The following PRKAG2 variants were observed in gnomAD, a reference collection of about 807,000 sequenced individuals.
The protein encoded by PRKAG2 is protein kinase AMP-activated non-catalytic subunit gamma 2.
In PRKAG2, 26 loss-of-function variants were observed where a neutral mutation model predicts 69.6. That is an observed-to-expected ratio of 0.37 (90% CI 0.27 to 0.52). PRKAG2 has a LOEUF of 0.52. PRKAG2 is among the 20% of genes least tolerant of loss of function. The probability of loss-of-function intolerance (pLI) is 0.90; values close to 1 mark genes in which losing one functional copy is unlikely to be tolerated. For missense variants in PRKAG2, 557 were observed against 740.0 expected (o/e 0.75, Z 2.87); for synonymous variants, 293 against 285.0 (o/e 1.03, Z -0.28).
chr7:151,686,310 T>C (rs756522982), intron 3 of PRKAG2, among the ~76,000 whole-genome samples: 36 of 152,292 alleles, frequency 2.4e-4, no homozygotes, highest in Non-Finnish European at 4.9e-4. Context: ...ATTTCACAGA[T>C]AGGAAACTTC....
At chr7:151,824,439 C>T (rs900593936) in intron 1 of PRKAG2, among the ~76,000 whole-genome samples, 57 of 152,154 alleles carry the variant, frequency 3.7e-4, no homozygotes, top group Non-Finnish European at 2.9e-5. Context: ...TCCTAAGCCG[C>T]GGTGAATGGT....
Position 151,675,771 on chromosome 7 carries a change from G to A in PRKAG2, c.467-134C>T, listed in dbSNP as rs1257722823. 119 of 826,000 alleles carry A rather than the reference G, an allele frequency of 1.4e-4. No homozygotes were observed. The African/African-American group carries it at 1.7e-3, about 12-fold the overall frequency. The allele number at this position is 826,000 out of a possible 1,614,324, so 51.2% of individuals were successfully genotyped here. ...CCGGCCTCCAGGAAGGGACGTCGGG[G>A]GCAGTCAGAGGTCCGGCCTCCAGGA... On this transcript the variant is annotated intron_variant, in intron 3 of 15. Coordinates refer to ENST00000287878, the MANE Select transcript of PRKAG2 (RefSeq NM_016203.4).
At chr7:151,813,179 G>A (rs1386639617) in intron 1 of PRKAG2, among the ~76,000 whole-genome samples, 1 of 152,114 alleles carries the variant, frequency 6.6e-6, no homozygotes, top group Non-Finnish European at 1.5e-5. Flanking sequence ...AGCAGTCCCC[G>A]AATTCTCGAT....
rs555645788 is a variant in PRKAG2, at chr7:151,618,744, G to A, written c.754+13325C>T. Among the ~76,000 whole-genome samples, 7 of 152,276 alleles carry A rather than the reference G, an allele frequency of 4.6e-5. No homozygotes were observed. The East Asian group carries it at 9.6e-4, about 21-fold the overall frequency. ...CGCACCATTGCACTCTAGCCTGGAC[G>A]ACAGAGAGAGATTCCGTCTCAAAAA... is the stretch of plus-strand genomic sequence containing the variant. On this transcript the variant is annotated intron_variant, in intron 5 of 15. Transcript: ENST00000287878.
chr7:151,656,531 G>C (rs1368394298), intron 4 of PRKAG2, among the ~76,000 whole-genome samples: 4 of 152,148 alleles, frequency 2.6e-5, no homozygotes, highest in Non-Finnish European at 5.9e-5. Flanking sequence ...CCTCAAGCCT[G>C]GGCAACAGAG....
chr7:151,606,523 T>C (rs1415616976), intron 5 of PRKAG2, among the ~76,000 whole-genome samples: 1 of 152,102 alleles, frequency 6.6e-6, no homozygotes, highest in Non-Finnish European at 1.5e-5. Context: ...TTAAAATATA[T>C]TATCAAAATT....
Position 151,579,909 on chromosome 7 carries a change from T to G in PRKAG2, c.865-3457A>C, listed in dbSNP as rs537216997. Among the ~76,000 whole-genome samples, 7 of 152,318 alleles carry G rather than the reference T, an allele frequency of 4.6e-5. No homozygotes were observed. In the South Asian group the frequency reaches 1.0e-3, roughly 23 times the overall value. ...TCAGAAGACAAGAGAAAGAAAACTTTAAGATGCTAAAATAAAAAACCTGCC... is the reference window on the plus strand; with the variant it reads ...TCAGAAGACAAGAGAAAGAAAACTTGAAGATGCTAAAATAAAAAACCTGCC... On this transcript the variant is annotated intron_variant, in intron 6 of 15. Coordinates refer to ENST00000287878, the MANE Select transcript of PRKAG2 (RefSeq NM_016203.4).
intron 3 of PRKAG2, among the ~76,000 whole-genome samples, chr7:151,716,414 A>T (rs1563508676): frequency 6.6e-6 from 1 of 152,190 alleles, no homozygotes; most frequent in Non-Finnish European, 1.5e-5. Context: ...GGGGCTGGGC[A>T]GGGGTCCGTA....
chr7:151,653,770 A>G (rs2151405615), intron 4 of PRKAG2, among the ~76,000 whole-genome samples: 1 of 152,280 alleles, frequency 6.6e-6, no homozygotes, highest in East Asian at 1.9e-4. Context: ...TGAACCCTGG[A>G]GCTGGAGGTT....
At chr7:151,691,050 A>G (rs1037846216) in intron 3 of PRKAG2, among the ~76,000 whole-genome samples, 1 of 152,206 alleles carries the variant, frequency 6.6e-6, no homozygotes, top group Non-Finnish European at 1.5e-5. Flanking sequence ...AACAAGAAAC[A>G]TGACAGAGAG....
At chr7:151,576,095 C>T in intron 7 of PRKAG2, 1 of 442,554 alleles carries the variant, frequency 2.3e-6, no homozygotes. Context: ...CCTCAGCCTC[C>T]TGAGTAGCTA....
chr7:151,586,777 T>G (rs902738221), intron 6 of PRKAG2, among the ~76,000 whole-genome samples: 2 of 152,226 alleles, frequency 1.3e-5, no homozygotes, highest in African/African-American at 4.8e-5. Context: ...TCCTTCCTGC[T>G]TTTAAAATAA....
At chr7:151,840,947 G>A (rs1295064147) in intron 1 of PRKAG2, among the ~76,000 whole-genome samples, 2 of 152,232 alleles carry the variant, frequency 1.3e-5, no homozygotes, top group Non-Finnish European at 2.9e-5. Context: ...CAGCCTATGA[G>A]ACAGAGTGAG....
At chr7:151,736,151 G>T in intron 3 of PRKAG2, 1 of 1,450,746 alleles carries the variant, frequency 6.9e-7, no homozygotes, top group Non-Finnish European at 9.1e-7. Flanking sequence ...GTGACAGCCC[G>T]GGTTCAAGCG....
At position 151,870,833 on chromosome 7, in the gene PRKAG2, G is replaced by A. The variant is rs568522931; in HGVS notation, c.114+5674C>T. Among the ~76,000 whole-genome samples the A allele has an allele frequency of 3.9e-5, 6 of 152,340 alleles. No individual in the cohort carries two copies. The East Asian group carries it at 9.6e-4, about 24-fold the overall frequency. ...GGGAGGCACCGCTGGCAACAGGCCC[G>A]CCCAAGCCCAGCCCCATCTCTGCAA... is the stretch of plus-strand genomic sequence containing the variant. On this transcript the variant is annotated intron_variant, in intron 1 of 15. Coordinates refer to ENST00000287878, the MANE Select transcript of PRKAG2 (RefSeq NM_016203.4).
intron 1 of PRKAG2, among the ~76,000 whole-genome samples, chr7:151,808,827 T>C (rs2078262247): frequency 6.6e-6 from 1 of 152,136 alleles, no homozygotes; most frequent in South Asian, 2.1e-4. Context: ...CAGCTGCAAG[T>C]CCTGCAGTCT....
chr7:151,660,658 A>T (rs912802909), intron 4 of PRKAG2, among the ~76,000 whole-genome samples: 1 of 152,252 alleles, frequency 6.6e-6, no homozygotes, highest in Non-Finnish European at 1.5e-5. Context: ...TAAATTGAAG[A>T]CAGGGACCTG....
intron 3 of PRKAG2, among the ~76,000 whole-genome samples, chr7:151,744,162 T>A (rs2074108893): frequency 6.6e-6 from 1 of 152,208 alleles, no homozygotes; most frequent in Non-Finnish European, 1.5e-5. Context: ...CTCTGATATG[T>A]AACCCCCACC....
chr7:151,846,830 T>C (rs993703705), intron 1 of PRKAG2, among the ~76,000 whole-genome samples: 3 of 152,258 alleles, frequency 2.0e-5, no homozygotes, highest in African/African-American at 7.2e-5. Context: ...CTAGGACGTT[T>C]GCATGACTGT....
Sources: allele counts gnomAD v4.1 joint callset (sites outside exome capture counted in the v4.1 genomes callset), GRCh38; gene constraint gnomAD v4.1.1; transcripts MANE v1.5; gene names NCBI Gene and HGNC (gene_info 2026-07-23, HGNC 2026-07-21).